Variants in CNST observed in about 807,000 individuals in gnomAD.
The protein encoded by CNST is consortin.
In CNST, 39 loss-of-function variants were observed where a neutral mutation model predicts 72.4. The observed-to-expected ratio is 0.54, with a 90% CI of 0.42 to 0.70. The LOEUF (loss-of-function observed/expected upper bound fraction) is 0.70. Among genes scored for constraint, CNST ranks in the 30% least tolerant of loss-of-function variants. CNST has a pLI of 0.00. For synonymous variants in CNST, 332 were observed against 320.1 expected, an observed-to-expected ratio of 1.04 and a Z score of -0.40; for missense variants, 871 against 868.5, an observed-to-expected ratio of 1.00 and a Z score of -0.04.
At chr1:246,640,947 G>A (rs1302600151) in intron 6 of CNST, among the ~76,000 whole-genome samples, 1 of 152,242 alleles carries the variant, frequency 6.6e-6, no homozygotes, top group East Asian at 1.9e-4. Context: ...GAACATTCCA[G>A]CCCTGCAGAA....
Position 246,610,912 on chromosome 1 carries a change from G to A in CNST, c.380-10517G>A, listed in dbSNP as rs145100045. On this transcript the variant is annotated intron_variant, in intron 2 of 10. Coordinates refer to ENST00000366513, the MANE Select transcript of CNST (RefSeq NM_152609.3). ...TTTCCCCCTGGCTTTAGATTGTCTAGTTTATGCCTCAACCGTATTTTTTTT... is the reference window on the plus strand; with the variant it reads ...TTTCCCCCTGGCTTTAGATTGTCTAATTTATGCCTCAACCGTATTTTTTTT... Among the ~76,000 whole-genome samples, 354 of 152,234 alleles carry A rather than the reference G, an allele frequency of 2.3e-3. 3 individuals carry two copies. Among genetic ancestry groups the A allele is most frequent in the African/African-American group, 8.1e-3 (338 of 41,518 alleles).
intron 9 of CNST, among the ~76,000 whole-genome samples, chr1:246,649,223 A>C (rs1666313989): frequency 6.6e-6 from 1 of 151,318 alleles, no homozygotes; most frequent in South Asian, 2.1e-4. Flanking sequence ...TAATGGGCAC[A>C]GAATTTCCAT....
intron 2 of CNST, among the ~76,000 whole-genome samples, chr1:246,599,831 T>C (rs1204226756): frequency 6.6e-6 from 1 of 152,244 alleles, no homozygotes; most frequent in Admixed American, 6.5e-5. Flanking sequence ...TGACATTATT[T>C]TGTAGACCCG....
rs80009393 is a variant in CNST at position 246,605,708 on chromosome 1, A to G, written c.379+13767A>G. Reference sequence around the variant, plus strand: ...GGGGTAGGTGTCTTCCGGCCGGGGTAGGTGTCTTCCGGCCGGGGTAGGTGT... The same window carrying G: ...GGGGTAGGTGTCTTCCGGCCGGGGTGGGTGTCTTCCGGCCGGGGTAGGTGT... On this transcript the variant is annotated intron_variant, in intron 2 of 10. Coordinates refer to ENST00000366513, the MANE Select transcript of CNST (RefSeq NM_152609.3). Among the ~76,000 whole-genome samples, 34 of 68,068 alleles carry G rather than the reference A, an allele frequency of 5.0e-4. 1 individual carries two copies. The highest frequency in any genetic ancestry group is 1.2e-3 in the South Asian group (2 of 1,612). 44.7% of individuals were successfully genotyped at this position (68,068 alleles called of 152,430 possible).
At chr1:246,631,840 C>G (rs1354438123) in intron 3 of CNST, 54 bp from the exon 4 acceptor site, 2 of 1,046,978 alleles carry the variant, frequency 1.9e-6, no homozygotes, top group African/African-American at 1.6e-5. Context: ...TCAAATTTAT[C>G]TTCTCATCCA....
intron 2 of CNST, among the ~76,000 whole-genome samples, chr1:246,600,729 G>A (rs1662229337): frequency 6.6e-6 from 1 of 152,170 alleles, no homozygotes; most frequent in South Asian, 2.1e-4. Flanking sequence ...ACAGTGTTGT[G>A]CTTTTGGGTC....
intron 2 of CNST, among the ~76,000 whole-genome samples, chr1:246,603,854 A>G (rs1463759380): frequency 1.3e-5 from 2 of 152,200 alleles, no homozygotes; most frequent in African/African-American, 4.8e-5. Context: ...TAACATGGTG[A>G]TGGTTGTACA....
chr1:246,628,842 G>A (rs1385577403), intron 3 of CNST, among the ~76,000 whole-genome samples: 1 of 152,094 alleles, frequency 6.6e-6, no homozygotes, highest in Non-Finnish European at 1.5e-5. Flanking sequence ...TTCCTGATTG[G>A]TAAAAGGATA....
chr1:246,615,789 A>G (rs1663649310), intron 2 of CNST, among the ~76,000 whole-genome samples: 1 of 151,862 alleles, frequency 6.6e-6, no homozygotes, highest in South Asian at 2.1e-4. Flanking sequence ...GAGGCAGGAG[A>G]ATAGCTTGAA....
intron 6 of CNST, among the ~76,000 whole-genome samples, chr1:246,636,870 T>A (rs1284609244): frequency 6.6e-6 from 1 of 152,222 alleles, no homozygotes; most frequent in Non-Finnish European, 1.5e-5. Flanking sequence ...AGTGAAGGAT[T>A]GTTGCATCTT....
rs531873600 is a variant in CNST, at chr1:246,646,647, A to G, written c.938-492A>G. On this transcript the variant is annotated intron_variant, in intron 8 of 10. Coordinates refer to ENST00000366513, the MANE Select transcript of CNST (RefSeq NM_152609.3). ...AGGCATGTGCCACCACGCCCAGCTA[A>G]TTTTGTGTTTTTAATAGAGACGGGG... is the stretch of plus-strand genomic sequence containing the variant. Among the ~76,000 whole-genome samples the G allele has an allele frequency of 5.8e-4, 88 of 151,988 alleles. 1 individual carries two copies. Among genetic ancestry groups the G allele is most frequent in the African/African-American group, 2.1e-3 (86 of 41,456 alleles).
intron 3 of CNST, among the ~76,000 whole-genome samples, chr1:246,622,622 C>G (rs1664166649): frequency 6.6e-6 from 1 of 152,052 alleles, no homozygotes; most frequent in Non-Finnish European, 1.5e-5. Context: ...ATTTTTAATT[C>G]TAAGAGTGCC....
At chr1:246,604,730 G>A (rs1402194732) in intron 2 of CNST, among the ~76,000 whole-genome samples, 1 of 152,110 alleles carries the variant, frequency 6.6e-6, no homozygotes, top group Non-Finnish European at 1.5e-5. Context: ...GTGCAATGGC[G>A]TGATCTCCGC....
At chr1:246,648,348 C>T in intron 9 of CNST, 1 of 460,212 alleles carries the variant, frequency 2.2e-6, no homozygotes, top group Non-Finnish European at 3.0e-6. Flanking sequence ...GGAATCAAAA[C>T]CAGAATAGTC....
intron 1 of CNST, among the ~76,000 whole-genome samples, chr1:246,589,725 C>A (rs1393654416): frequency 6.6e-6 from 1 of 152,166 alleles, no homozygotes; most frequent in African/African-American, 2.4e-5. Flanking sequence ...GTTTACAGTC[C>A]TACCAACAGT....
intron 9 of CNST, among the ~76,000 whole-genome samples, chr1:246,655,505 C>G: frequency 6.6e-6 from 1 of 152,182 alleles, no homozygotes; most frequent in East Asian, 1.9e-4. Flanking sequence ...GATCTTTCAT[C>G]TAATCTCCTC....
intron 2 of CNST, among the ~76,000 whole-genome samples, chr1:246,605,588 C>A (rs1662680678): frequency 6.6e-6 from 1 of 152,092 alleles, no homozygotes; most frequent in Non-Finnish European, 1.5e-5. Flanking sequence ...CAGGAAGTGT[C>A]CCTGTCTGAT....
chr1:246,657,100 T>C (rs568042596), intron 9 of CNST, among the ~76,000 whole-genome samples: 2 of 152,232 alleles, frequency 1.3e-5, no homozygotes, highest in East Asian at 3.9e-4. Context: ...AGTATGAAAT[T>C]GAGGCAAACC....
intron 9 of CNST, among the ~76,000 whole-genome samples, chr1:246,658,059 G>A (rs1666864530): frequency 6.6e-6 from 1 of 152,110 alleles, no homozygotes; most frequent in African/African-American, 2.4e-5. Context: ...ATTTTATGGA[G>A]AAAATAGATC....
Sources: gnomAD v4.1 joint callset for allele counts (sites outside exome capture counted in the v4.1 genomes callset) on GRCh38, gnomAD v4.1.1 for gene constraint, MANE v1.5 for transcripts, NCBI Gene and HGNC (gene_info 2026-07-23, HGNC 2026-07-21) for gene names.